Variants in MSH3 observed in about 807,000 individuals in gnomAD.
MSH3 encodes the protein DNA mismatch repair protein Msh3.
MSH3 carries 106 observed loss-of-function variants against 123.3 expected under a neutral mutation model. The ratio of observed to expected loss-of-function variants is 0.86; its 90% CI spans 0.73 to 1.01. MSH3 has a LOEUF of 1.01. Among genes scored for constraint, MSH3 ranks in the 50% least tolerant of loss-of-function variants. The probability of loss-of-function intolerance (pLI) is 0.00; values close to 1 mark genes in which losing one functional copy is unlikely to be tolerated. For missense variants in MSH3, 1,459 were observed against 1,347.6 expected, an observed-to-expected ratio of 1.08 and a Z score of -1.29; for synonymous variants, 515 against 481.4, an observed-to-expected ratio of 1.07 and a Z score of -0.91.
At chr5:80,672,978 G>A (rs1749756937) in intron 6 of MSH3, 120 bp downstream of exon 6, 2 of 792,188 alleles carry the variant, frequency 2.5e-6, no homozygotes, top group South Asian at 2.7e-5. Context: ...TGAGCTGAGA[G>A]GCATTAAGGT....
chr5:80,722,952 A>G (rs1275390305), intron 8 of MSH3, among the ~76,000 whole-genome samples: 3 of 152,050 alleles, frequency 2.0e-5, no homozygotes, highest in Admixed American at 1.3e-4. Flanking sequence ...TAAAAATACA[A>G]AAAAATTAGC....
At chr5:80,671,091 C>G (rs1749714748) in intron 4 of MSH3, among the ~76,000 whole-genome samples, 1 of 150,266 alleles carries the variant, frequency 6.7e-6, no homozygotes, top group Non-Finnish European at 1.5e-5. Flanking sequence ...CCATTGCACT[C>G]TAGCCTGGGC....
Position 80,744,570 on chromosome 5 carries a change from G to C in MSH3, c.1718G>C (p.Arg573Thr). 6.2e-7 allele frequency: 1 copy of C among 1,613,888 alleles called. No homozygotes were observed. The highest frequency in any genetic ancestry group is 8.5e-7 in the Non-Finnish European group (1 of 1,179,906). Residue 573 changes from arginine to threonine, a missense_variant, in exon 12 of 24, where the codon AGA (arginine) becomes ACA (threonine). Physicochemically the swap from Arg to Thr is moderately conservative, Grantham distance 71 (BLOSUM62 -1). Coordinates refer to ENST00000265081, the MANE Select transcript of MSH3 (RefSeq NM_002439.5). ...VLDHTKTSFGRRKLKKWVTQP... is the reference protein window; with the variant it reads ...VLDHTKTSFGTRKLKKWVTQP... ...GACCACACTAAAACTTCATTTGGGA[G>C]ACGGAAGTTAAAGAAGTGGGTGACC...
At chr5:80,692,812 G>T (rs1420169158) in intron 8 of MSH3, among the ~76,000 whole-genome samples, 3 of 126,422 alleles carry the variant, frequency 2.4e-5, no homozygotes, top group Admixed American at 7.9e-5. Context: ...TATATGTTTA[G>T]ATAAATATAC....
chr5:80,670,023 T>A, intron 3 of MSH3, 74 bp from the exon 4 acceptor site: 1 of 1,412,520 alleles, frequency 7.1e-7, no homozygotes, highest in Non-Finnish European at 9.8e-7. Context: ...TTTGCCAGAT[T>A]TGCATTTTCC....
intron 3 of MSH3, among the ~76,000 whole-genome samples, chr5:80,667,717 C>T (rs1749603412): frequency 6.6e-6 from 1 of 152,192 alleles, no homozygotes. Context: ...ACAGCTTCCA[C>T]AGCTGGCACC....
At chr5:80,862,810 T>C (rs572712910) in intron 21 of MSH3, among the ~76,000 whole-genome samples, 1 of 152,198 alleles carries the variant, frequency 6.6e-6, no homozygotes, top group African/African-American at 2.4e-5. Context: ...AAATAAACTT[T>C]AAAATGGTGG....
chr5:80,678,669 C>A (rs1212392779), intron 7 of MSH3, among the ~76,000 whole-genome samples: 3 of 152,138 alleles, frequency 2.0e-5, no homozygotes, highest in Admixed American at 2.0e-4. Flanking sequence ...CATAGTCACT[C>A]CGTTAGGTAT....
intron 8 of MSH3, among the ~76,000 whole-genome samples, chr5:80,692,581 G>GAATAT (rs1289544932): frequency 6.3e-3 from 504 of 80,332 alleles, no homozygotes; most frequent in Middle Eastern, 0.018. Flanking sequence ...TTTATATAGA[G>GAATAT]AGATAAACAT....
At chr5:80,737,898 A>G (rs1289830490) in intron 10 of MSH3, among the ~76,000 whole-genome samples, 1 of 152,178 alleles carries the variant, frequency 6.6e-6, no homozygotes, top group Admixed American at 6.5e-5. Flanking sequence ...TTTTATTAAA[A>G]TCAATGTAGA....
At chr5:80,690,943 T>C (rs1750229282) in intron 8 of MSH3, among the ~76,000 whole-genome samples, 1 of 152,114 alleles carries the variant, frequency 6.6e-6, no homozygotes, top group Non-Finnish European at 1.5e-5. Context: ...ATATGCCTTC[T>C]AATCCTCTCT....
intron 18 of MSH3, 147 bp downstream of exon 18, chr5:80,787,819 G>A (rs1580051272): frequency 1.6e-6 from 1 of 625,990 alleles, no homozygotes; most frequent in East Asian, 3.0e-5. Flanking sequence ...TATGTAGCTT[G>A]ATTTGAAAAT....
chr5:80,674,914 A>T, intron 6 of MSH3, 69 bp from the exon 7 acceptor site: 6 of 1,272,230 alleles, frequency 4.7e-6, no homozygotes, highest in Non-Finnish European at 5.6e-6. Context: ...AATAGTTAAT[A>T]TTATTGGAAA....
intron 19 of MSH3, among the ~76,000 whole-genome samples, chr5:80,808,922 G>A (rs1744955737): frequency 9.4e-6 from 1 of 106,938 alleles, no homozygotes; most frequent in African/African-American, 3.2e-5. Context: ...TTCTATTCAT[G>A]TAAATGCCAT....
chr5:80,765,750 G>C (rs1319855141), intron 13 of MSH3, among the ~76,000 whole-genome samples: 1 of 151,992 alleles, frequency 6.6e-6, no homozygotes, highest in African/African-American at 2.4e-5. Flanking sequence ...CCCTTGAGTT[G>C]AATCTTTTAT....
rs557086767 is a variant in MSH3, at chr5:80,807,821, C to T, written c.2656-5763C>T. Among the ~76,000 whole-genome samples the T allele has an allele frequency of 6.6e-5, 10 of 152,266 alleles. No homozygotes were observed. In the South Asian group the frequency reaches 1.0e-3, roughly 16 times the overall value. On this transcript the variant is annotated intron_variant, in intron 19 of 23. Coordinates refer to ENST00000265081, the MANE Select transcript of MSH3 (RefSeq NM_002439.5). ...ACACTAACAGATACCCACCTCAGAC[C>T]GGGGCTATTACACCAATGAACCTAA...
At chr5:80,831,602 GT>G (rs1189973799) in intron 20 of MSH3, among the ~76,000 whole-genome samples, 1 of 149,384 alleles carries the variant, frequency 6.7e-6, no homozygotes, top group Non-Finnish European at 1.5e-5. Context: ...TTTTTGGGGT[GT>G]TTTTCTTCCT....
At chr5:80,691,557 G>T (rs1325580456) in intron 8 of MSH3, among the ~76,000 whole-genome samples, 1 of 148,724 alleles carries the variant, frequency 6.7e-6, no homozygotes, top group Admixed American at 6.7e-5. Flanking sequence ...TAACAATTTT[G>T]TGAGTACATA....
intron 21 of MSH3, among the ~76,000 whole-genome samples, chr5:80,855,123 A>G (rs1304206345): frequency 6.6e-6 from 1 of 151,670 alleles, no homozygotes; most frequent in East Asian, 1.9e-4. Context: ...TATCCCTGTC[A>G]TTTCCATCTA....
Sources: allele counts gnomAD v4.1 joint callset (sites outside exome capture counted in the v4.1 genomes callset), GRCh38; gene constraint gnomAD v4.1.1; transcripts MANE v1.5; gene names NCBI Gene and HGNC (gene_info 2026-07-23, HGNC 2026-07-21).